The following NAT1 variants were observed in gnomAD, a reference collection of about 807,000 sequenced individuals.
NAT1 encodes the protein N-acetyltransferase 1, also known as arylamine N-acetyltransferase 1.
For missense variants in NAT1, 400 were observed against 339.2 expected (o/e 1.18, Z -1.41); for synonymous variants, 144 against 122.6 (o/e 1.17, Z -1.16).
At chr8:18,189,291 C>T (rs1802882486) in intron 2 of NAT1, among the ~76,000 whole-genome samples, 1 of 151,912 alleles carries the variant, frequency 6.6e-6, no homozygotes, top group South Asian at 2.1e-4. Flanking sequence ...CTCATAATAA[C>T]GTTTATTGAT....
chr8:18,204,038 G>A (rs535222444), intron 2 of NAT1, among the ~76,000 whole-genome samples: 12 of 152,184 alleles, frequency 7.9e-5, no homozygotes, highest in South Asian at 4.2e-4. Context: ...CCTTCCGCAC[G>A]CACTATGTAG....
intron 2 of NAT1, among the ~76,000 whole-genome samples, chr8:18,199,315 C>G (rs965188761): frequency 6.0e-5 from 8 of 132,586 alleles, no homozygotes; most frequent in African/African-American, 2.5e-4. Context: ...AAGACTCTGT[C>G]TCAAAAAAAA....
chr8:18,213,150 G>T (rs1306865243), intron 1 of NAT1, among the ~76,000 whole-genome samples: 1 of 151,186 alleles, frequency 6.6e-6, no homozygotes, highest in Non-Finnish European at 1.5e-5. Flanking sequence ...GACCTCAAGT[G>T]ATCCACTCGC....
At chr8:18,199,480 C>G (rs1803375354) in intron 2 of NAT1, among the ~76,000 whole-genome samples, 1 of 152,064 alleles carries the variant, frequency 6.6e-6, no homozygotes, top group Non-Finnish European at 1.5e-5. Context: ...TCTAGAGACC[C>G]TGAGACCCCT....
chr8:18,172,681 T>A (rs78157833), intron 2 of NAT1, among the ~76,000 whole-genome samples: 3,472 of 152,298 alleles, frequency 0.023, 123 homozygotes, highest in African/African-American at 0.079. Flanking sequence ...ATAAACATCT[T>A]AATTCTGTTA....
At chr8:18,192,562 G>T (rs1160054164) in intron 2 of NAT1, among the ~76,000 whole-genome samples, 3 of 152,062 alleles carry the variant, frequency 2.0e-5, no homozygotes, top group Non-Finnish European at 4.4e-5. Context: ...GCGGCACTAT[G>T]CACAATAGCA....
intron 2 of NAT1, among the ~76,000 whole-genome samples, chr8:18,204,548 ATTTTT>A (rs1803624279): frequency 8.8e-6 from 1 of 113,360 alleles, no homozygotes; most frequent in Non-Finnish European, 1.8e-5. Flanking sequence ...TTGGCATTTT[ATTTTT>A]AATATGATAC....
chr8:18,211,435 G>C (rs1804092246), intron 1 of NAT1: 1 of 152,246 alleles, frequency 6.6e-6, no homozygotes, highest in Non-Finnish European at 1.5e-5. Flanking sequence ...CAAAACAGGT[G>C]ACACCACCTT....
chr8:18,186,625 C>G (rs1195283109), intron 2 of NAT1, among the ~76,000 whole-genome samples: 1 of 152,020 alleles, frequency 6.6e-6, no homozygotes, highest in Admixed American at 6.6e-5. Context: ...CCCATATGTA[C>G]TTGATTCATT....
chr8:18,212,340 C>G (rs963132458), intron 1 of NAT1: 4 of 152,226 alleles, frequency 2.6e-5, no homozygotes, highest in African/African-American at 9.6e-5. Flanking sequence ...ATTCAGGACC[C>G]TCTAGAAGTT....
chr8:18,200,512 C>A (rs1803415957), intron 2 of NAT1, among the ~76,000 whole-genome samples: 1 of 152,032 alleles, frequency 6.6e-6, no homozygotes, highest in Non-Finnish European at 1.5e-5. Flanking sequence ...TAAAAGGGAA[C>A]AACAGACACC....
intron 2 of NAT1, among the ~76,000 whole-genome samples, chr8:18,182,055 G>A (rs188270851): frequency 1.3e-5 from 2 of 152,190 alleles, no homozygotes; most frequent in East Asian, 1.9e-4. Flanking sequence ...CCTCTCTATG[G>A]TGCCTGGCAT....
At chr8:18,204,405 T>G (rs1172133959) in intron 2 of NAT1, among the ~76,000 whole-genome samples, 1 of 152,170 alleles carries the variant, frequency 6.6e-6, no homozygotes, top group Non-Finnish European at 1.5e-5. Context: ...TCAAAATTCT[T>G]TTCAGTAACT....
At chr8:18,182,721 T>G (rs1056470026) in intron 2 of NAT1, among the ~76,000 whole-genome samples, 19 of 152,108 alleles carry the variant, frequency 1.2e-4, no homozygotes, top group African/African-American at 4.3e-4. Context: ...TCACTATTTT[T>G]GACTATTTGC....
At chr8:18,193,631 C>CTTTTTTT (rs796247875) in intron 2 of NAT1, among the ~76,000 whole-genome samples, 2 of 57,550 alleles carry the variant, frequency 3.5e-5, no homozygotes, top group South Asian at 6.5e-4. Flanking sequence ...TGTAAACCTG[C>CTTTTTTT]TTTTTTTTTT....
chr8:18,173,172 A>ACACACACT (rs1172802673), intron 2 of NAT1, among the ~76,000 whole-genome samples: 2 of 152,052 alleles, frequency 1.3e-5, no homozygotes, highest in African/African-American at 4.8e-5. Context: ...ACACACACAC[A>ACACACACT]CACACAATGA....
At position 18,223,019 on chromosome 8, in the gene NAT1, G is replaced by A. The variant is rs1805512294; in HGVS notation, c.*99G>A. 2 of 911,330 alleles carry A rather than the reference G, an allele frequency of 2.2e-6. No individual in the cohort carries two copies. The highest frequency in any genetic ancestry group is 4.6e-5 in the South Asian group (1 of 21,682). 56.5% of individuals were successfully genotyped at this position (911,330 alleles called of 1,614,324 possible). ...TTCTGTACCCTTACCTTATTTTGAAGAAAATCCTAGACATCAAATCATTTC... is the reference window on the plus strand; with the variant it reads ...TTCTGTACCCTTACCTTATTTTGAAAAAAATCCTAGACATCAAATCATTTC... On this transcript the variant is annotated 3_prime_UTR_variant, in exon 3 of 3. Coordinates refer to ENST00000307719, the MANE Select transcript of NAT1 (RefSeq NM_000662.8).
Position 18,219,272 on chromosome 8 carries a change from G to A in NAT1, c.-85-139G>A, listed in dbSNP as rs1805030948. 48 of 603,950 alleles carry A rather than the reference G, an allele frequency of 7.9e-5. 1 individual carries two copies. In the South Asian group the frequency reaches 9.7e-4, roughly 12 times the overall value. The allele number at this position is 603,950 out of a possible 1,614,324, so 37.4% of individuals were successfully genotyped here. On this transcript the variant is annotated intron_variant, in intron 1 of 2. Transcript: ENST00000307719. The stretch of plus-strand genomic sequence containing the variant: ...TTCCACACACTTATACAACTCAAAT[G>A]TTCACTTTACTGTGCAGTCCATTCC...
At chr8:18,179,238 A>C (rs1372835835) in intron 2 of NAT1, among the ~76,000 whole-genome samples, 2 of 152,132 alleles carry the variant, frequency 1.3e-5, no homozygotes, top group Admixed American at 6.6e-5. Flanking sequence ...CAGTTCCAGG[A>C]CACTCTTCAT....
Sources: gnomAD v4.1 joint callset for allele counts (sites outside exome capture counted in the v4.1 genomes callset) on GRCh38, gnomAD v4.1.1 for gene constraint, MANE v1.5 for transcripts, NCBI Gene and HGNC (gene_info 2026-07-23, HGNC 2026-07-21) for gene names.